KLHL29: variants seen among roughly 807,000 people sequenced by gnomAD.
KLHL29 encodes kelch like family member 29.
KLHL29 carries 21 observed loss-of-function variants against 80.4 expected under a neutral mutation model. That is an observed-to-expected ratio of 0.26 (90% confidence interval 0.19 to 0.38). The LOEUF is 0.38. Among genes scored for constraint, KLHL29 ranks in the 10% least tolerant of loss-of-function variants. KLHL29 has a pLI of 1.00. For synonymous variants in KLHL29, 511 were observed against 526.8 expected (o/e 0.97, Z 0.41); for missense variants, 867 against 1,223.9 (o/e 0.71, Z 4.35).
rs558891417 is a variant in KLHL29, at chr2:23,540,968, G to A, written c.-45-21184G>A. Among the ~76,000 whole-genome samples the A allele has an allele frequency of 2.0e-5, 3 of 152,316 alleles. No homozygotes were observed. In the East Asian group the frequency reaches 5.8e-4, roughly 29 times the overall value. ...ACCCTGATTCAATCCTTATGGCCAG[G>A]GGGATAGAACACCCTGATTTGCCTG... On this transcript the variant is annotated intron_variant, in intron 2 of 13. Transcript: ENST00000486442.
intron 3 of KLHL29, among the ~76,000 whole-genome samples, chr2:23,567,070 C>T (rs545767061): frequency 1.8e-3 from 267 of 152,326 alleles, no homozygotes; most frequent in Admixed American, 4.2e-3. Context: ...GTCAGGACCG[C>T]AGGGGCAGGG....
chr2:23,632,410 A>C (rs979822971), intron 3 of KLHL29, among the ~76,000 whole-genome samples: 19 of 152,256 alleles, frequency 1.2e-4, no homozygotes, highest in African/African-American at 4.6e-4. Flanking sequence ...CCTGGTCTGA[A>C]TATGTTTGCC....
At chr2:23,554,060 T>C (rs1251931751) in intron 2 of KLHL29, among the ~76,000 whole-genome samples, 1 of 152,038 alleles carries the variant, frequency 6.6e-6, no homozygotes, top group African/African-American at 2.4e-5. Context: ...GGGGGCTCCA[T>C]GGGGCTGGGG....
At chr2:23,455,363 T>C (rs1664020272) in intron 1 of KLHL29, among the ~76,000 whole-genome samples, 1 of 152,262 alleles carries the variant, frequency 6.6e-6, no homozygotes, top group Non-Finnish European at 1.5e-5. Context: ...TATTTTAAGT[T>C]GAAATAGTTT....
At chr2:23,619,604 G>C (rs780819901) in intron 3 of KLHL29, among the ~76,000 whole-genome samples, 1 of 150,438 alleles carries the variant, frequency 6.6e-6, no homozygotes, top group Non-Finnish European at 1.5e-5. Context: ...CTGGGGTGCA[G>C]AACACAGGGG....
At chr2:23,644,684 T>G (rs540452219) in intron 5 of KLHL29, among the ~76,000 whole-genome samples, 1 of 152,216 alleles carries the variant, frequency 6.6e-6, no homozygotes, top group Non-Finnish European at 1.5e-5. Context: ...CAATGACCAT[T>G]GCAGAGCTGT....
intron 3 of KLHL29, among the ~76,000 whole-genome samples, chr2:23,570,085 T>C (rs1478990117): frequency 6.6e-6 from 1 of 152,206 alleles, no homozygotes; most frequent in Admixed American, 6.5e-5. Context: ...TTAATTTTCA[T>C]TGTGAATCTG....
At chr2:23,550,504 G>A (rs1241155796) in intron 2 of KLHL29, among the ~76,000 whole-genome samples, 3 of 152,178 alleles carry the variant, frequency 2.0e-5, no homozygotes, top group Admixed American at 6.5e-5. Context: ...GGATGTTAAT[G>A]TCCCCGGCCC....
intron 1 of KLHL29, among the ~76,000 whole-genome samples, chr2:23,468,989 G>A (rs1042211156): frequency 6.6e-6 from 1 of 152,222 alleles, no homozygotes; most frequent in Non-Finnish European, 1.5e-5. Flanking sequence ...CTGGAAAACC[G>A]GCCGGGAGCC....
chr2:23,656,760 G>A (rs1030783056), intron 5 of KLHL29, among the ~76,000 whole-genome samples: 19 of 152,098 alleles, frequency 1.2e-4, no homozygotes, highest in Admixed American at 5.2e-4. Context: ...GGATTAGCAC[G>A]GGGTGGGGCC....
intron 2 of KLHL29, among the ~76,000 whole-genome samples, chr2:23,498,118 A>C (rs184411341): frequency 6.6e-6 from 1 of 152,318 alleles, no homozygotes; most frequent in East Asian, 1.9e-4. Context: ...ATCTACTCTT[A>C]GCAAACTTCC....
Position 23,593,536 on chromosome 2 carries a change from T to C in KLHL29, c.285+31055T>C, listed in dbSNP as rs116470648. 3.6e-4 allele frequency among the ~76,000 whole-genome samples: 55 copies of C among 152,282 alleles called. 1 individual carries two copies. Among genetic ancestry groups the C allele is most frequent in the African/African-American group, 1.3e-3 (53 of 41,562 alleles). On this transcript the variant is annotated intron_variant, in intron 3 of 13. Transcript: ENST00000486442. The stretch of plus-strand genomic sequence containing the variant: ...CTGGGTCCCCTTGGACAGCAGAATG[T>C]GTATGGGTCTCCCTTTCCTGTGGGG...
At chr2:23,476,356 A>G (rs1452886023) in intron 2 of KLHL29, among the ~76,000 whole-genome samples, 1 of 152,192 alleles carries the variant, frequency 6.6e-6, no homozygotes, top group East Asian at 1.9e-4. Flanking sequence ...TTTATTCATT[A>G]TAAAGGGATT....
In KLHL29 at chr2:23,653,105, G is replaced by A. The variant is rs553529762; in HGVS notation, c.940+10255G>A. Among the ~76,000 whole-genome samples the A allele has an allele frequency of 7.2e-5, 11 of 152,278 alleles. No individual in the cohort carries two copies. The South Asian group carries it at 1.7e-3, about 23-fold the overall frequency. On this transcript the variant is annotated intron_variant, in intron 5 of 13. Coordinates refer to ENST00000486442, the MANE Select transcript of KLHL29 (RefSeq NM_052920.2). The stretch of plus-strand genomic sequence containing the variant: ...GGAATTTACTCCCGAGCAGCAACCC[G>A]TCTGCTCCGTTCAAACCCTTCTGCC...
intron 5 of KLHL29, among the ~76,000 whole-genome samples, chr2:23,671,287 C>A (rs986759240): frequency 6.6e-6 from 1 of 151,962 alleles, no homozygotes; most frequent in East Asian, 1.9e-4. Context: ...CTCGTGTTCT[C>A]CCATCTCCTT....
chr2:23,555,293 A>C (rs1286107524), intron 2 of KLHL29, among the ~76,000 whole-genome samples: 1 of 152,208 alleles, frequency 6.6e-6, no homozygotes, highest in African/African-American at 2.4e-5. Context: ...AAACCTGCCC[A>C]GTTCCTGTTG....
At chr2:23,521,344 G>A (rs1666096353) in intron 2 of KLHL29, among the ~76,000 whole-genome samples, 1 of 152,246 alleles carries the variant, frequency 6.6e-6, no homozygotes, top group Admixed American at 6.5e-5. Context: ...CGAGGTTCGT[G>A]CACTGGAAGT....
chr2:23,685,733 C>A (rs948436247), intron 6 of KLHL29, among the ~76,000 whole-genome samples: 1 of 152,184 alleles, frequency 6.6e-6, no homozygotes, highest in East Asian at 1.9e-4. Context: ...TGTCCAAGCA[C>A]AGGGGTTAGG....
chr2:23,662,739 C>T (rs1008895199), intron 5 of KLHL29, among the ~76,000 whole-genome samples: 1 of 152,218 alleles, frequency 6.6e-6, no homozygotes, highest in Admixed American at 6.5e-5. Flanking sequence ...TCTCCCCAGC[C>T]TGGGCCCACC....
Sources: gnomAD v4.1 joint callset for allele counts (sites outside exome capture counted in the v4.1 genomes callset) on GRCh38, gnomAD v4.1.1 for gene constraint, MANE v1.5 for transcripts, NCBI Gene and HGNC (gene_info 2026-07-23, HGNC 2026-07-21) for gene names.